MAD1L1: variants seen among roughly 807,000 people sequenced by gnomAD.
MAD1L1 encodes the protein mitotic arrest deficient 1 like 1, also known as mitotic spindle assembly checkpoint protein MAD1.
Under a neutral mutation model 96.9 loss-of-function variants are expected in MAD1L1, and 95 were observed. That is an observed-to-expected ratio of 0.98 (90% CI 0.83 to 1.16). The LOEUF (loss-of-function observed/expected upper bound fraction) is 1.16. MAD1L1 is among the 50% of genes most tolerant of loss of function. MAD1L1 has a pLI of 0.00. For synonymous variants in MAD1L1, 473 were observed against 396.6 expected (o/e 1.19, Z -2.29); for missense variants, 1,007 against 954.4 (o/e 1.06, Z -0.73).
chr7:1,878,459 C>T (rs1456536089), intron 18 of MAD1L1, among the ~76,000 whole-genome samples: 3 of 151,330 alleles, frequency 2.0e-5, no homozygotes, highest in South Asian at 2.1e-4. Context: ...AAAAAGGGAC[C>T]CAGTGCGGTT....
chr7:2,090,508 G>T (rs546118810), intron 11 of MAD1L1, among the ~76,000 whole-genome samples: 1 of 152,330 alleles, frequency 6.6e-6, no homozygotes, highest in East Asian at 1.9e-4. Context: ...ACGGACCTGG[G>T]ACTCTGCCTG....
intron 15 of MAD1L1, among the ~76,000 whole-genome samples, chr7:1,977,184 G>A (rs934470361): frequency 2.6e-5 from 4 of 152,242 alleles, no homozygotes; most frequent in African/African-American, 9.6e-5. Flanking sequence ...CGGGGAGGCT[G>A]GGCTGCGTGG....
intron 11 of MAD1L1, among the ~76,000 whole-genome samples, chr7:2,111,636 G>A (rs960362915): frequency 1.3e-5 from 2 of 152,240 alleles, no homozygotes; most frequent in African/African-American, 4.8e-5. Flanking sequence ...GCTGGGGGCT[G>A]CAGAAAGCAC....
chr7:2,232,455 C>T (rs946846103), intron 1 of MAD1L1, among the ~76,000 whole-genome samples: 1 of 152,220 alleles, frequency 6.6e-6, no homozygotes, highest in Non-Finnish European at 1.5e-5. Context: ...GCCCCTGCAG[C>T]CCCGACTTCT....
chr7:2,105,764 G>A (rs1445669809), intron 11 of MAD1L1, among the ~76,000 whole-genome samples: 4 of 152,004 alleles, frequency 2.6e-5, no homozygotes, highest in South Asian at 2.1e-4. Flanking sequence ...GTCCAGGCAC[G>A]TGAGACGCCC....
rs913118536 is a variant in MAD1L1 at position 2,172,864 on chromosome 7, C to T, written c.987-23626G>A. ...AGAAGTCAGAGGTGCTCGAGGCTGC[C>T]CCATCAGATGGCTCCTGGGAGCGTG... On this transcript the variant is annotated intron_variant, in intron 10 of 18. Coordinates refer to ENST00000265854, the MANE Select transcript of MAD1L1 (RefSeq NM_001013836.2). Among the ~76,000 whole-genome samples the T allele has an allele frequency of 3.9e-5, 6 of 152,328 alleles. No individual in the cohort carries two copies. In the East Asian group the frequency reaches 1.2e-3, roughly 29 times the overall value.
At chr7:2,149,070 G>T in intron 11 of MAD1L1, 82 bp downstream of exon 11, 4 of 1,244,364 alleles carry the variant, frequency 3.2e-6, no homozygotes, top group Non-Finnish European at 4.7e-6. Flanking sequence ...TCCCCCAAGA[G>T]CCAGGGGGCA....
At chr7:1,869,288 A>G (rs944490364) in intron 18 of MAD1L1, among the ~76,000 whole-genome samples, 156 of 152,178 alleles carry the variant, frequency 1.0e-3, no homozygotes, top group Middle Eastern at 6.8e-3. Context: ...ACCCCCTCCC[A>G]CAGCCTCTCC....
chr7:2,021,305 A>G lies in MAD1L1; in HGVS notation c.1219-6663T>C, dbSNP rs116419837. On this transcript the variant is annotated intron_variant, in intron 12 of 18. Coordinates refer to ENST00000265854, the MANE Select transcript of MAD1L1 (RefSeq NM_001013836.2). The stretch of plus-strand genomic sequence containing the variant: ...GGAAAATAAGACAGCCTGAGAAGGG[A>G]GAGCCCTTCATTATCAACCAAGAGA... Among the ~76,000 whole-genome samples the G allele has an allele frequency of 1.9e-3, 289 of 152,348 alleles. 1 individual carries two copies. The highest frequency in any genetic ancestry group is 6.2e-3 in the African/African-American group (258 of 41,594).
intron 12 of MAD1L1, among the ~76,000 whole-genome samples, chr7:2,017,900 A>G (rs1048743858): frequency 6.6e-6 from 1 of 152,094 alleles, no homozygotes; most frequent in Admixed American, 6.5e-5. Flanking sequence ...GAAGAAACCC[A>G]GGGCACAGCC....
At chr7:2,038,478 G>A (rs1359415418) in intron 12 of MAD1L1, among the ~76,000 whole-genome samples, 1 of 143,860 alleles carries the variant, frequency 7.0e-6, no homozygotes, top group African/African-American at 2.5e-5. Context: ...GATGCTGTTA[G>A]GAGATAATGA....
chr7:1,860,619 T>C (rs1784499563), intron 18 of MAD1L1, among the ~76,000 whole-genome samples: 1 of 152,202 alleles, frequency 6.6e-6, no homozygotes, highest in African/African-American at 2.4e-5. Context: ...TGCCCAGCTC[T>C]GCCTGGGGGC....
intron 12 of MAD1L1, among the ~76,000 whole-genome samples, chr7:2,027,928 T>C (rs1033943241): frequency 1.3e-5 from 2 of 152,180 alleles, no homozygotes; most frequent in Non-Finnish European, 2.9e-5. Context: ...AATCACTCAA[T>C]TATGAACATA....
intron 15 of MAD1L1, among the ~76,000 whole-genome samples, chr7:1,960,268 CAG>C (rs1437588590): frequency 7.2e-6 from 1 of 139,772 alleles, no homozygotes; most frequent in African/African-American, 2.7e-5. Flanking sequence ...AAAAAGGAAA[CAG>C]AAATGAAGAA....
intron 18 of MAD1L1, chr7:1,845,315 G>T (rs1024737767): frequency 6.6e-6 from 1 of 152,278 alleles, no homozygotes; most frequent in Non-Finnish European, 1.5e-5. Context: ...GGGAGAGGCC[G>T]GCGGCTCTGA....
chr7:2,051,305 A>G (rs1584192736), intron 12 of MAD1L1, among the ~76,000 whole-genome samples: 1 of 151,848 alleles, frequency 6.6e-6, no homozygotes, highest in South Asian at 2.1e-4. Flanking sequence ...TCTGGTATAA[A>G]CCTCCAAAGC....
At chr7:1,962,980 T>G (rs1018384595) in intron 15 of MAD1L1, among the ~76,000 whole-genome samples, 1 of 151,952 alleles carries the variant, frequency 6.6e-6, no homozygotes, top group African/African-American at 2.4e-5. Flanking sequence ...AAAGAGGGAC[T>G]AAGGAAAAAG....
intron 11 of MAD1L1, among the ~76,000 whole-genome samples, chr7:2,091,713 T>G (rs1355472328): frequency 6.6e-6 from 1 of 151,822 alleles, no homozygotes; most frequent in Non-Finnish European, 1.5e-5. Context: ...GAGGCGGAGC[T>G]TGCAGTGAGC....
At chr7:2,189,338 C>T (rs146941973) in intron 10 of MAD1L1, among the ~76,000 whole-genome samples, 4 of 152,308 alleles carry the variant, frequency 2.6e-5, no homozygotes, top group East Asian at 1.9e-4. Flanking sequence ...GATATCTGCC[C>T]GCTCGTGTTC....
Sources: gnomAD v4.1 joint callset for allele counts (sites outside exome capture counted in the v4.1 genomes callset) on GRCh38, gnomAD v4.1.1 for gene constraint, MANE v1.5 for transcripts, NCBI Gene and HGNC (gene_info 2026-07-23, HGNC 2026-07-21) for gene names.